The following KSR2 variants were observed in gnomAD, a reference collection of about 807,000 sequenced individuals.
KSR2 encodes kinase suppressor of ras 2.
KSR2 carries 25 observed loss-of-function variants against 107.8 expected under a neutral mutation model. The observed-to-expected ratio is 0.23, with a 90% confidence interval of 0.17 to 0.32. KSR2 has a LOEUF of 0.32. Among genes scored for constraint, KSR2 ranks in the 10% least tolerant of loss-of-function variants. The pLI is 1.00. For missense variants in KSR2, 887 were observed against 1,268.9 expected, an observed-to-expected ratio of 0.70 and a Z score of 4.57; for synonymous variants, 480 against 507.0, an observed-to-expected ratio of 0.95 and a Z score of 0.71.
intron 1 of KSR2, among the ~76,000 whole-genome samples, chr12:117,878,223 T>G (rs980754119): frequency 1.8e-4 from 27 of 147,376 alleles, no homozygotes; most frequent in African/African-American, 7.1e-4. Context: ...AAAGAGCCCT[T>G]CATGAAAAGT....
chr12:117,932,773 G>T (rs1275982838), intron 1 of KSR2, among the ~76,000 whole-genome samples: 1 of 152,072 alleles, frequency 6.6e-6, no homozygotes, highest in Non-Finnish European at 1.5e-5. Flanking sequence ...AACACTTTGG[G>T]AGGCTGAGGC....
chr12:117,558,667 G>T, intron 7 of KSR2, 94 bp from the exon 8 acceptor site: 1 of 844,082 alleles, frequency 1.2e-6, no homozygotes, highest in Non-Finnish European at 2.1e-6. Context: ...GGGTGGATGG[G>T]TGGATGAATG....
chr12:117,892,550 T>C (rs1232596732), intron 1 of KSR2, among the ~76,000 whole-genome samples: 2 of 152,090 alleles, frequency 1.3e-5, no homozygotes, highest in African/African-American at 4.8e-5. Context: ...AATTCCTATA[T>C]ACCAAAAGTC....
intron 3 of KSR2, among the ~76,000 whole-genome samples, chr12:117,828,143 A>G (rs577012966): frequency 1.1e-4 from 16 of 152,286 alleles, no homozygotes; most frequent in African/African-American, 3.9e-4. Context: ...TGAGGATGGG[A>G]CAATGTGCTA....
At position 117,493,051 on chromosome 12, in the gene KSR2, C is replaced by T. The variant is rs145368263; in HGVS notation, c.2220-7360G>A. Among the ~76,000 whole-genome samples the T allele has an allele frequency of 1.4e-4, 21 of 152,256 alleles. No individual in the cohort carries two copies. The East Asian group carries it at 3.7e-3, about 27-fold the overall frequency. ...TGTTTGTTGTTTCAAGCCACTAAGA[C>T]AGTGGGGCAGTAAGTGCTGCCTCGT... On this transcript the variant is annotated intron_variant, in intron 14 of 19. Transcript: ENST00000339824.
intron 1 of KSR2, among the ~76,000 whole-genome samples, chr12:117,894,869 G>A (rs150317001): frequency 1.0e-3 from 154 of 151,880 alleles, no homozygotes; most frequent in African/African-American, 3.6e-3. Context: ...ATGGAACTGT[G>A]AGTCAATTAA....
intron 1 of KSR2, among the ~76,000 whole-genome samples, chr12:117,905,644 T>G (rs1357177418): frequency 6.6e-6 from 1 of 152,216 alleles, no homozygotes; most frequent in Non-Finnish European, 1.5e-5. Flanking sequence ...TGATTGTATC[T>G]GCTTCCCTGA....
intron 7 of KSR2, among the ~76,000 whole-genome samples, chr12:117,578,145 G>A (rs1396377805): frequency 1.3e-5 from 2 of 152,112 alleles, no homozygotes; most frequent in East Asian, 1.9e-4. Flanking sequence ...ACTACAGAAG[G>A]TGAGCAGAAA....
intron 7 of KSR2, among the ~76,000 whole-genome samples, chr12:117,567,906 T>C (rs553407211): frequency 3.0e-4 from 46 of 151,686 alleles, no homozygotes; most frequent in African/African-American, 1.1e-3. Flanking sequence ...GGTCTCTTGT[T>C]TGAGCCAGTG....
chr12:117,854,253 T>A (rs191886749), intron 3 of KSR2, among the ~76,000 whole-genome samples: 35 of 152,158 alleles, frequency 2.3e-4, no homozygotes, highest in Admixed American at 2.1e-3. Flanking sequence ...GAGATCCTCC[T>A]GCCTTGGCCT....
At chr12:117,720,597 C>T (rs375907757) in intron 4 of KSR2, among the ~76,000 whole-genome samples, 1 of 152,226 alleles carries the variant, frequency 6.6e-6, no homozygotes, top group East Asian at 1.9e-4. Flanking sequence ...AGTCTAAGTG[C>T]TTGTGTGCCA....
intron 4 of KSR2, among the ~76,000 whole-genome samples, chr12:117,702,260 C>T (rs188092213): frequency 2.0e-5 from 3 of 152,290 alleles, no homozygotes; most frequent in Admixed American, 1.3e-4. Flanking sequence ...CCAAGCACCT[C>T]GCGTTGGTAG....
At chr12:117,560,406 G>T (rs965452068) in intron 7 of KSR2, among the ~76,000 whole-genome samples, 4 of 152,098 alleles carry the variant, frequency 2.6e-5, no homozygotes, top group Non-Finnish European at 5.9e-5. Flanking sequence ...TGGGACCACC[G>T]AGAGTGCAGA....
intron 4 of KSR2, among the ~76,000 whole-genome samples, chr12:117,692,042 T>A (rs1302011162): frequency 6.6e-6 from 1 of 152,088 alleles, no homozygotes; most frequent in Non-Finnish European, 1.5e-5. Flanking sequence ...GTCACTCCTG[T>A]GCTATCAGGC....
chr12:117,884,442 C>T (rs138202135), intron 1 of KSR2, among the ~76,000 whole-genome samples: 89 of 152,320 alleles, frequency 5.8e-4, no homozygotes, highest in Non-Finnish European at 1.1e-3. Context: ...TGCCAGCTCT[C>T]GCTAGAACTG....
intron 3 of KSR2, among the ~76,000 whole-genome samples, chr12:117,764,318 T>G (rs1889149564): frequency 6.6e-6 from 1 of 152,094 alleles, no homozygotes; most frequent in Admixed American, 6.5e-5. Flanking sequence ...TCACTTGTTA[T>G]ATTGGGACTG....
intron 3 of KSR2, among the ~76,000 whole-genome samples, chr12:117,814,688 T>TA (rs2137059145): frequency 6.6e-6 from 1 of 152,270 alleles, no homozygotes; most frequent in South Asian, 2.1e-4. Context: ...GGGAGGCGTC[T>TA]AGGGGCATGA....
At chr12:117,847,532 C>T (rs1237568369) in intron 3 of KSR2, among the ~76,000 whole-genome samples, 12 of 152,230 alleles carry the variant, frequency 7.9e-5, no homozygotes, top group Admixed American at 6.5e-4. Context: ...GCTCCCTGAG[C>T]CCCCGAAGGA....
chr12:117,597,973 G>A (rs1024289963), intron 5 of KSR2, among the ~76,000 whole-genome samples: 1 of 152,266 alleles, frequency 6.6e-6, no homozygotes, highest in Non-Finnish European at 1.5e-5. Context: ...TTCTCAACAC[G>A]AGGAGTGGGG....
Sources: gnomAD v4.1 joint callset for allele counts (sites outside exome capture counted in the v4.1 genomes callset) on GRCh38, gnomAD v4.1.1 for gene constraint, MANE v1.5 for transcripts, NCBI Gene and HGNC (gene_info 2026-07-23, HGNC 2026-07-21) for gene names.